Variants in TRAF3 observed in about 807,000 individuals in gnomAD.
The protein encoded by TRAF3 is TNF receptor associated factor 3.
In TRAF3, 13 loss-of-function variants were observed where a neutral mutation model predicts 62.3. The observed-to-expected ratio is 0.21, with a 90% CI of 0.14 to 0.33. The LOEUF (loss-of-function observed/expected upper bound fraction) is 0.33, where lower values mean the gene tolerates loss of function less well. Among genes scored for constraint, TRAF3 ranks in the 10% least tolerant of loss-of-function variants. The pLI is 1.00. For synonymous variants in TRAF3, 269 were observed against 283.4 expected, an observed-to-expected ratio of 0.95 and a Z score of 0.51; for missense variants, 440 against 741.8, an observed-to-expected ratio of 0.59 and a Z score of 4.73.
chr14:102,815,811 G>A (rs1899483279), intron 1 of TRAF3, among the ~76,000 whole-genome samples: 1 of 152,140 alleles, frequency 6.6e-6, no homozygotes, highest in Admixed American at 6.5e-5. Context: ...CAGGCAAGAA[G>A]GAGCGTGTGT....
chr14:102,822,494 C>T (rs926766764), intron 1 of TRAF3, among the ~76,000 whole-genome samples: 4 of 152,192 alleles, frequency 2.6e-5, no homozygotes, highest in Admixed American at 6.5e-5. Context: ...AGAATCAGAT[C>T]TACCAAACTG....
Position 102,909,018 on chromosome 14 carries a change from G to A in TRAF3, c.*3234G>A, listed in dbSNP as rs537339960. 1 of 152,626 alleles carries A rather than the reference G, an allele frequency of 6.6e-6. No homozygotes were observed. Among genetic ancestry groups the A allele is most frequent in the African/African-American group, 2.4e-5 (1 of 41,600 alleles). 9.5% of individuals were successfully genotyped at this position (152,626 alleles called of 1,614,324 possible). A position where few individuals can be genotyped will look rare whatever the true frequency, so the allele number is the denominator to read the frequency against. On this transcript the variant is annotated 3_prime_UTR_variant, in exon 12 of 12. Coordinates refer to ENST00000392745, the MANE Select transcript of TRAF3 (RefSeq NM_145725.3). ...CTAGACGTTGGGGTGTGTCCGTGATGATATGGGGGCCAGGCTGGGAGTAGG... is the reference window on the plus strand; with the variant it reads ...CTAGACGTTGGGGTGTGTCCGTGATAATATGGGGGCCAGGCTGGGAGTAGG...
intron 6 of TRAF3, among the ~76,000 whole-genome samples, chr14:102,877,503 T>G (rs531825279): frequency 4.4e-4 from 66 of 148,856 alleles, no homozygotes; most frequent in Non-Finnish European, 2.4e-4. Context: ...TCATAGATAA[T>G]CCGTTCCACA....
intron 9 of TRAF3, among the ~76,000 whole-genome samples, chr14:102,894,886 T>A (rs1355315418): frequency 6.6e-6 from 1 of 152,132 alleles, no homozygotes; most frequent in African/African-American, 2.4e-5. Flanking sequence ...TTTGTAGAGA[T>A]GGAGTTTCGC....
At chr14:102,836,273 G>T (rs2139655313) in intron 2 of TRAF3, among the ~76,000 whole-genome samples, 1 of 152,312 alleles carries the variant, frequency 6.6e-6, no homozygotes, top group African/African-American at 2.4e-5. Flanking sequence ...TCATTTAGCA[G>T]CACTGCCACT....
At chr14:102,788,885 C>T (rs983629324) in intron 1 of TRAF3, among the ~76,000 whole-genome samples, 19 of 152,292 alleles carry the variant, frequency 1.2e-4, no homozygotes, top group Middle Eastern at 3.4e-3. Flanking sequence ...GCAGGAGGAT[C>T]GCTTGAGCCC....
intron 2 of TRAF3, among the ~76,000 whole-genome samples, chr14:102,836,461 C>T (rs145783783): frequency 2.0e-5 from 3 of 152,258 alleles, no homozygotes; most frequent in African/African-American, 7.2e-5. Flanking sequence ...TATTTAAATT[C>T]ACGGTGTAAA....
intron 1 of TRAF3, among the ~76,000 whole-genome samples, chr14:102,811,732 TG>T (rs1899171432): frequency 9.3e-5 from 1 of 10,758 alleles, no homozygotes; most frequent in African/African-American, 2.1e-4. Flanking sequence ...AGCAGTAGTG[TG>T]TGTGTGTGTG....
intron 2 of TRAF3, among the ~76,000 whole-genome samples, chr14:102,852,304 T>A (rs1887093002): frequency 6.6e-6 from 1 of 152,144 alleles, no homozygotes; most frequent in Non-Finnish European, 1.5e-5. Context: ...CCTTTTAGTT[T>A]TAGGAGCTTT....
chr14:102,886,288 G>A lies in TRAF3; in HGVS notation c.651+19G>A, dbSNP rs372165619. The A allele has an allele frequency of 3.1e-6, 5 of 1,599,198 alleles. No homozygotes were observed. The highest frequency in any genetic ancestry group is 3.4e-5 in the Admixed American group (2 of 58,952). The stretch of plus-strand genomic sequence containing the variant: ...GAGCGAGGTAGGGGCGGCCGGGCCC[G>A]GCCGGGAGTCTGTGGAGTCCTCAGG... On this transcript the variant is annotated intron_variant, in intron 7 of 11. Transcript: ENST00000392745.
At chr14:102,872,634 C>T (rs1257527920) in intron 4 of TRAF3, among the ~76,000 whole-genome samples, 1 of 152,178 alleles carries the variant, frequency 6.6e-6, no homozygotes, top group Non-Finnish European at 1.5e-5. Context: ...TGTACCCTGC[C>T]AGGTATACTT....
At chr14:102,833,333 C>A (rs933286216) in intron 2 of TRAF3, among the ~76,000 whole-genome samples, 38 of 152,090 alleles carry the variant, frequency 2.5e-4, no homozygotes, top group African/African-American at 9.2e-4. Flanking sequence ...ACCAAGAAAT[C>A]TTTTTTTTCT....
chr14:102,871,846 T>G, intron 3 of TRAF3, 71 bp from the exon 4 acceptor site: 1 of 1,449,090 alleles, frequency 6.9e-7, no homozygotes, highest in East Asian at 2.3e-5. Context: ...AAGTGAATGC[T>G]CCCAGAATCT....
intron 1 of TRAF3, among the ~76,000 whole-genome samples, chr14:102,800,656 T>A (rs1375860957): frequency 6.6e-6 from 1 of 152,116 alleles, no homozygotes; most frequent in Non-Finnish European, 1.5e-5. Flanking sequence ...TTCATTATTT[T>A]ACCACAGATG....
intron 11 of TRAF3, among the ~76,000 whole-genome samples, chr14:102,904,321 C>G (rs574664727): frequency 2.0e-5 from 3 of 152,326 alleles, no homozygotes; most frequent in Non-Finnish European, 2.9e-5. Flanking sequence ...CTCAGGACAT[C>G]TTCTACACAG....
At chr14:102,829,544 C>T (rs949454703) in intron 1 of TRAF3, among the ~76,000 whole-genome samples, 2 of 152,158 alleles carry the variant, frequency 1.3e-5, no homozygotes, top group African/African-American at 4.8e-5. Context: ...CTCATCTGTA[C>T]CTCCTGAGGG....
intron 2 of TRAF3, among the ~76,000 whole-genome samples, chr14:102,853,539 A>G (rs182851478): frequency 1.3e-5 from 2 of 151,998 alleles, no homozygotes; most frequent in African/African-American, 4.8e-5. Flanking sequence ...CTTTGTGTAT[A>G]TTCAGAATGT....
chr14:102,801,059 G>A (rs1277332718), intron 1 of TRAF3, among the ~76,000 whole-genome samples: 7 of 152,084 alleles, frequency 4.6e-5, no homozygotes, highest in African/African-American at 1.2e-4. Context: ...CCAGCTACTC[G>A]GGAGGCTGAG....
chr14:102,793,036 G>A (rs766295795), intron 1 of TRAF3, among the ~76,000 whole-genome samples: 3 of 151,794 alleles, frequency 2.0e-5, no homozygotes, highest in Admixed American at 6.6e-5. Context: ...TCTCGAACAC[G>A]TGGTCTCATG....
Sources: gnomAD v4.1 joint callset for allele counts (sites outside exome capture counted in the v4.1 genomes callset) on GRCh38, gnomAD v4.1.1 for gene constraint, MANE v1.5 for transcripts, NCBI Gene and HGNC (gene_info 2026-07-23, HGNC 2026-07-21) for gene names.